The following ZYG11B variants were observed in gnomAD, a reference collection of about 807,000 sequenced individuals.
The protein encoded by ZYG11B is zyg-11 family member B, cell cycle regulator.
A neutral mutation model predicts 82.4 loss-of-function variants in ZYG11B; 36 were observed. The observed-to-expected ratio is 0.44, with a 90% CI of 0.33 to 0.58. ZYG11B has a LOEUF of 0.58. ZYG11B is among the 20% of genes least tolerant of loss of function. The probability of loss-of-function intolerance (pLI) is 0.02; values close to 1 mark genes in which losing one functional copy is unlikely to be tolerated. For missense variants in ZYG11B, 552 were observed against 895.6 expected (o/e 0.62, Z 4.90); for synonymous variants, 303 against 312.8 (o/e 0.97, Z 0.33).
In ZYG11B at chr1:52,784,094, C is replaced by T. The variant is rs570813832; in HGVS notation, c.1093-783C>T. 3.9e-5 allele frequency among the ~76,000 whole-genome samples: 6 copies of T among 151,996 alleles called. No individual in the cohort carries two copies. In the East Asian group the frequency reaches 1.2e-3, roughly 30 times the overall value. On this transcript the variant is annotated intron_variant, in intron 4 of 13. Transcript: ENST00000294353. ...GCAACCTCTGCCTCCTGGGTTAAAGCAGTTCTCCTGCTTCAGCCTCCCGAG... is the reference window on the plus strand; with the variant it reads ...GCAACCTCTGCCTCCTGGGTTAAAGTAGTTCTCCTGCTTCAGCCTCCCGAG...
intron 6 of ZYG11B, among the ~76,000 whole-genome samples, chr1:52,795,967 A>G (rs1558136808): frequency 6.6e-6 from 1 of 152,206 alleles, no homozygotes; most frequent in Non-Finnish European, 1.5e-5. Context: ...GAGGAACCCA[A>G]AAAATACTTA....
rs377337861 is a variant in ZYG11B, at chr1:52,784,989, G to T, written c.1205G>T (p.Arg402Leu). The part of the protein sequence containing the change: ...KQDLAAGMPV[R>L]LLADVTHLLL... ...GATCTTGCTGCAGGGATGCCTGTCC[G>T]ACTCCTGGCTGATGTGACCCATTTG... Residue 402 changes from arginine (R) to leucine (L), a missense_variant, in exon 5 of 14, where the codon CGA becomes CTA. By Grantham distance (102) the Arg-to-Leu change is moderately radical. This residue lies in a region of ZYG11B where 359 missense variants were observed against 555.8 expected (regional missense o/e 0.65). Transcript: ENST00000294353. 1 of 1,614,106 alleles carries T rather than the reference G, an allele frequency of 6.2e-7. No individual in the cohort carries two copies.
chr1:52,821,674 G>A lies in ZYG11B; in HGVS notation c.*45G>A. On this transcript the variant is annotated 3_prime_UTR_variant, in exon 14 of 14. Transcript: ENST00000294353. ...GTTGAATCACAGGAATCCTTTTTGTGATTGGTCCATTTGGAATATCTTACC... is the reference window on the plus strand; with the variant it reads ...GTTGAATCACAGGAATCCTTTTTGTAATTGGTCCATTTGGAATATCTTACC... 1 of 1,545,842 alleles carries A rather than the reference G, an allele frequency of 6.5e-7. No individual in the cohort carries two copies. The highest frequency in any genetic ancestry group is 1.2e-5 in the South Asian group (1 of 82,158).
intron 5 of ZYG11B, among the ~76,000 whole-genome samples, chr1:52,789,539 T>C (rs529173243): frequency 1.3e-5 from 2 of 152,186 alleles, no homozygotes; most frequent in Non-Finnish European, 2.9e-5. Context: ...TGGTCTAAAC[T>C]TTATTTAAAA....
intron 6 of ZYG11B, among the ~76,000 whole-genome samples, chr1:52,790,399 T>C (rs1486399301): frequency 6.6e-6 from 1 of 152,158 alleles, no homozygotes; most frequent in Non-Finnish European, 1.5e-5. Flanking sequence ...TTCATTGTCT[T>C]GACTATGGCT....
At chr1:52,804,073 C>G (rs1315137543) in intron 10 of ZYG11B, among the ~76,000 whole-genome samples, 1 of 152,032 alleles carries the variant, frequency 6.6e-6, no homozygotes, top group Non-Finnish European at 1.5e-5. Context: ...AACCCCATCT[C>G]TACAAAAAGT....
intron 4 of ZYG11B, among the ~76,000 whole-genome samples, chr1:52,783,997 TAGAG>T (rs60838674): frequency 2.8e-5 from 4 of 142,302 alleles, no homozygotes; most frequent in Non-Finnish European, 6.1e-5. Context: ...TATATATATA[TAGAG>T]AGAGAGAGAG....
chr1:52,795,696 C>G (rs1212406418), intron 6 of ZYG11B, among the ~76,000 whole-genome samples: 1 of 152,160 alleles, frequency 6.6e-6, no homozygotes, highest in African/African-American at 2.4e-5. Context: ...CATAAAATTT[C>G]AACATTTCAT....
rs1645302496 is a variant in ZYG11B at position 52,823,657 on chromosome 1, C to T, written c.*2028C>T. ...TTATCTAGTGTAGTTAAGGGAAAGC[C>T]TATTTAAGAAGTTTGGCTTCAAGTT... On this transcript the variant is annotated 3_prime_UTR_variant, in exon 14 of 14. Transcript: ENST00000294353. 6.6e-6 allele frequency: 1 copy of T among 151,564 alleles called. No homozygotes were observed. The highest frequency in any genetic ancestry group is 1.5e-5 in the Non-Finnish European group (1 of 67,998). The allele number at this position is 151,564 out of a possible 1,614,324, so 9.4% of individuals were successfully genotyped here.
chr1:52,781,829 G>T (rs1297203351), intron 4 of ZYG11B, among the ~76,000 whole-genome samples: 1 of 152,042 alleles, frequency 6.6e-6, no homozygotes, highest in Non-Finnish European at 1.5e-5. Flanking sequence ...GAGGCGCTTG[G>T]GTAGGAACCA....
intron 8 of ZYG11B, among the ~76,000 whole-genome samples, chr1:52,798,127 C>T (rs1645043772): frequency 6.6e-6 from 1 of 150,626 alleles, no homozygotes; most frequent in Middle Eastern, 3.2e-3. Flanking sequence ...GTTCTCAAAA[C>T]AAACAACAAA....
chr1:52,733,266 A>G (rs1196612122), intron 1 of ZYG11B, among the ~76,000 whole-genome samples: 1 of 152,222 alleles, frequency 6.6e-6, no homozygotes, highest in African/African-American at 2.4e-5. Context: ...TCAAAATAAT[A>G]GTAATATCTC....
At chr1:52,819,969 C>T (rs1199184369) in intron 13 of ZYG11B, among the ~76,000 whole-genome samples, 2 of 150,252 alleles carry the variant, frequency 1.3e-5, no homozygotes, top group Non-Finnish European at 3.0e-5. Context: ...GGCTAGAGTG[C>T]AGTGGCATGA....
In ZYG11B at chr1:52,741,673, G is replaced by T. The variant is rs974315716; in HGVS notation, c.31-14785G>T. Among the ~76,000 whole-genome samples the T allele has an allele frequency of 2.6e-5, 4 of 152,066 alleles. No individual in the cohort carries two copies. In the South Asian group the frequency reaches 6.2e-4, roughly 24 times the overall value. On this transcript the variant is annotated intron_variant, in intron 1 of 13. Transcript: ENST00000294353. ...AATACAGTAGAGAAGAAAATGCGGG[G>T]TTTTTTTCTATGCAGCTGATATTCT...
rs139862670 is a variant in ZYG11B at position 52,776,533 on chromosome 1, CA to C, written c.952-3301del. On this transcript the variant is annotated intron_variant, in intron 3 of 13. Transcript: ENST00000294353. ...TGAGCAATAGAGAAAGACTGTGTCTCAAAAAAAAAAAAAAAAAAATTGGCTT... is the reference window on the plus strand; with the variant it reads ...TGAGCAATAGAGAAAGACTGTGTCTCAAAAAAAAAAAAAAAAAATTGGCTT... Among the ~76,000 whole-genome samples, 721 of 92,118 alleles carry C rather than the reference CA, an allele frequency of 7.8e-3. 5 individuals carry two copies. The highest frequency in any genetic ancestry group is 0.021 in the African/African-American group (568 of 27,664). The allele number at this position is 92,118 out of a possible 152,430, so 60.4% of individuals were successfully genotyped here.
At chr1:52,767,820 A>G (rs1393962755) in intron 2 of ZYG11B, among the ~76,000 whole-genome samples, 1 of 152,272 alleles carries the variant, frequency 6.6e-6, no homozygotes, top group East Asian at 1.9e-4. Flanking sequence ...CAGTTGTGAA[A>G]GTCCTGACTT....
At chr1:52,744,703 A>G (rs1033000009) in intron 1 of ZYG11B, among the ~76,000 whole-genome samples, 1 of 152,126 alleles carries the variant, frequency 6.6e-6, no homozygotes, top group African/African-American at 2.4e-5. Flanking sequence ...TTAGCCGGGC[A>G]TGGTGGCACG....
intron 1 of ZYG11B, among the ~76,000 whole-genome samples, chr1:52,738,985 C>CTTCTTTTTTTTTT (rs1247210990): frequency 1.9e-5 from 2 of 106,278 alleles, no homozygotes; most frequent in Admixed American, 1.2e-4. Flanking sequence ...GCCCTGTAAC[C>CTTCTTTTTTTTTT]TTTTTTTTTT....
intron 3 of ZYG11B, among the ~76,000 whole-genome samples, chr1:52,774,663 T>G (rs897737271): frequency 1.4e-5 from 2 of 147,986 alleles, no homozygotes; most frequent in Non-Finnish European, 3.0e-5. Flanking sequence ...GGGTTCTTGC[T>G]CAGCGATCCT....
Sources: allele counts gnomAD v4.1 joint callset (sites outside exome capture counted in the v4.1 genomes callset), GRCh38; gene constraint gnomAD v4.1.1; regional missense constraint gnomAD v4.1.1; transcripts MANE v1.5; gene names NCBI Gene and HGNC (gene_info 2026-07-23, HGNC 2026-07-21).